NEMP2: variants seen among roughly 807,000 people sequenced by gnomAD.
The protein encoded by NEMP2 is UPF0571 transmembrane protein.
Under a neutral mutation model 54.2 loss-of-function variants are expected in NEMP2, and 53 were observed. The ratio of observed to expected loss-of-function variants is 0.98; its 90% CI spans 0.78 to 1.23. The LOEUF is 1.23. Among genes scored for constraint, NEMP2 ranks in the 50% most tolerant of loss-of-function variants. The pLI, the probability that NEMP2 is intolerant of heterozygous loss-of-function variation, is 0.00. For missense variants in NEMP2, 455 were observed against 511.3 expected (o/e 0.89, Z 1.06); for synonymous variants, 197 against 190.3 (o/e 1.04, Z -0.29).
At chr2:190,534,193 G>T (rs1025750080) in intron 1 of NEMP2, 188 of 1,049,752 alleles carry the variant, frequency 1.8e-4, no homozygotes, top group Non-Finnish European at 2.1e-4. Flanking sequence ...ACAAAAGGCC[G>T]TGTGCTGAAA....
chr2:190,622,018 A>G, the NEMP2 span, among the ~76,000 whole-genome samples: 1 of 152,138 alleles, frequency 6.6e-6, no homozygotes, highest in South Asian at 2.1e-4. Flanking sequence ...GAGGCAGGAG[A>G]ATCACTTGAG....
chr2:190,640,845 G>C, the NEMP2 span: 1 of 123,158 alleles, frequency 8.1e-6, no homozygotes, highest in African/African-American at 3.2e-5. Flanking sequence ...CTAGATGGGT[G>C]ATATGGCAAC....
chr2:190,578,820 G>A, the NEMP2 span, among the ~76,000 whole-genome samples: 10 of 152,156 alleles, frequency 6.6e-5, no homozygotes, highest in South Asian at 2.1e-3. This position sits in a 1 kb window ranked among gnomAD's most constrained non-coding sequence, Gnocchi z 4.4. Flanking sequence ...TGGAGTGCCA[G>A]GAACACCCAT....
the NEMP2 span, among the ~76,000 whole-genome samples, chr2:190,482,514 G>A: frequency 6.6e-6 from 1 of 150,900 alleles, no homozygotes; most frequent in Admixed American, 6.6e-5. Flanking sequence ...GTTATGTTTT[G>A]TTCAGTAAGC....
the NEMP2 span, among the ~76,000 whole-genome samples, chr2:190,465,279 G>T: frequency 2.6e-5 from 4 of 152,260 alleles, no homozygotes; most frequent in South Asian, 8.3e-4. This position sits in a 1 kb window ranked among gnomAD's most constrained non-coding sequence, Gnocchi z 4.6. Context: ...GATAACTTCA[G>T]TTTACCAACC....
chr2:190,606,340 C>A, the NEMP2 span, among the ~76,000 whole-genome samples: 1 of 152,196 alleles, frequency 6.6e-6, no homozygotes, highest in Non-Finnish European at 1.5e-5. Context: ...GTGATCCTGG[C>A]CAAGTTCACT....
At chr2:190,542,215 T>A in the NEMP2 span, among the ~76,000 whole-genome samples, 1 of 152,222 alleles carries the variant, frequency 6.6e-6, no homozygotes, top group Admixed American at 6.5e-5. The surrounding 1 kb of genome is among the most constrained non-coding windows in gnomAD (Gnocchi z 4.6). Flanking sequence ...ATTCTTAGAT[T>A]TGTTTTGTGT....
chr2:190,437,168 C>G, the NEMP2 span: 1 of 1,614,226 alleles, frequency 6.2e-7, no homozygotes. This position sits in a 1 kb window ranked among gnomAD's most constrained non-coding sequence, Gnocchi z 5.9. Flanking sequence ...GTTCTCATGA[C>G]CATGGCCTTG....
Position 190,505,453 on chromosome 2 carries a change from T to C in NEMP2, c.*3736A>G. The C allele has an allele frequency of 6.6e-6, 1 of 152,220 alleles. No homozygotes were observed. Among genetic ancestry groups the C allele is most frequent in the Admixed American group, 6.5e-5 (1 of 15,288 alleles). The allele number at this position is 152,220 out of a possible 1,614,324, so 9.4% of individuals were successfully genotyped here. A position where few individuals can be genotyped will look rare whatever the true frequency, so the allele number is the denominator to read the frequency against. ...CTAGTCAATGTTGGTATTCTTTCCC[T>C]TTCTCTTTTCAATCAGTCTTTCTTT... On this transcript the variant is annotated 3_prime_UTR_variant, in exon 9 of 9. Coordinates refer to ENST00000409150, the MANE Select transcript of NEMP2 (RefSeq NM_001142645.2). This position sits in a 1 kb window ranked among gnomAD's most constrained non-coding sequence, Gnocchi z 5.8.
Position 190,533,770 on chromosome 2 carries a change from AG to A in NEMP2, c.97+788del, listed in dbSNP as rs890521923. On this transcript the variant is annotated intron_variant, in intron 1 of 8. Coordinates refer to ENST00000409150, the MANE Select transcript of NEMP2 (RefSeq NM_001142645.2). This position sits in a 1 kb window ranked among gnomAD's most constrained non-coding sequence, Gnocchi z 4.3. ...AGGAAATCTTTTAAAAGATTTTATG[AG>A]GGGAAAAAAAAAAAGAAACAGAAAT... is the stretch of plus-strand genomic sequence containing the variant. 9.8e-5 allele frequency among the ~76,000 whole-genome samples: 13 copies of A among 132,766 alleles called. No individual in the cohort carries two copies. Among genetic ancestry groups the A allele is most frequent in the African/African-American group, 3.4e-4 (12 of 35,122 alleles). The allele number at this position is 132,766 out of a possible 152,430, so 87.1% of individuals were successfully genotyped here.
the NEMP2 span, among the ~76,000 whole-genome samples, chr2:190,639,770 T>C: frequency 6.6e-6 from 1 of 152,120 alleles, no homozygotes; most frequent in Admixed American, 6.5e-5. Flanking sequence ...TGCTTCAGCC[T>C]CCTGAGGAGC....
rs944597634 is a variant in NEMP2 at position 190,513,321 on chromosome 2, C to T, written c.953+1132G>A. Among the ~76,000 whole-genome samples, 2 of 152,234 alleles carry T rather than the reference C, an allele frequency of 1.3e-5. No homozygotes were observed. The highest frequency in any genetic ancestry group is 4.8e-5 in the African/African-American group (2 of 41,458). On this transcript the variant is annotated intron_variant, in intron 7 of 8. Coordinates refer to ENST00000409150, the MANE Select transcript of NEMP2 (RefSeq NM_001142645.2). The surrounding 1 kb of genome is among the most constrained non-coding windows in gnomAD (Gnocchi z 5.3). ...TAGAAAACCAGCAGATCTGGCAATA[C>T]AGGACTCATATTCCCACACATGAGC...
chr2:190,541,167 T>TA, the NEMP2 span, among the ~76,000 whole-genome samples: 6 of 124,306 alleles, frequency 4.8e-5, no homozygotes, highest in African/African-American at 1.4e-4. The surrounding 1 kb of genome is among the most constrained non-coding windows in gnomAD (Gnocchi z 5.2). Context: ...ACAATTTCAT[T>TA]TTATATATAT....
At chr2:190,466,343 T>G in the NEMP2 span, among the ~76,000 whole-genome samples, 1 of 152,232 alleles carries the variant, frequency 6.6e-6, no homozygotes, top group African/African-American at 2.4e-5. Context: ...ACTGAAGTAC[T>G]TTTCAGTGAC....
chr2:190,492,878 T>G, the NEMP2 span, among the ~76,000 whole-genome samples: 166 of 151,666 alleles, frequency 1.1e-3, 2 homozygotes, highest in Non-Finnish European at 2.4e-4. This position sits in a 1 kb window ranked among gnomAD's most constrained non-coding sequence, Gnocchi z 5.2. Flanking sequence ...TGAAAGGAGC[T>G]CTAAATCTTG....
the NEMP2 span, among the ~76,000 whole-genome samples, chr2:190,491,766 A>G: frequency 1.3e-5 from 2 of 152,200 alleles, no homozygotes; most frequent in Non-Finnish European, 2.9e-5. This position sits in a 1 kb window ranked among gnomAD's most constrained non-coding sequence, Gnocchi z 4.2. Context: ...ACCTGCCCCA[A>G]CAAAATCACA....
Position 190,525,963 on chromosome 2 carries a change from A to C in NEMP2, c.98-585T>G, listed in dbSNP as rs1690918665. 6.6e-6 allele frequency among the ~76,000 whole-genome samples: 1 copy of C among 152,200 alleles called. No homozygotes were observed. Among genetic ancestry groups the C allele is most frequent in the Non-Finnish European group, 1.5e-5 (1 of 68,028 alleles). On this transcript the variant is annotated intron_variant, in intron 1 of 8. Transcript: ENST00000409150. The surrounding 1 kb of genome is among the most constrained non-coding windows in gnomAD (Gnocchi z 5.0). Reference sequence around the variant, plus strand: ...TGAAAGCAGAGCATTGGAGGATTTTAGGTAAGTATCAGTCTCAGCAAGAAA... The same window carrying C: ...TGAAAGCAGAGCATTGGAGGATTTTCGGTAAGTATCAGTCTCAGCAAGAAA...
chr2:190,510,554 G>C lies in NEMP2; in HGVS notation c.954-17C>G. 1 of 1,551,474 alleles carries C rather than the reference G, an allele frequency of 6.4e-7. No individual in the cohort carries two copies. The highest frequency in any genetic ancestry group is 8.7e-7 in the Non-Finnish European group (1 of 1,146,786). On this transcript the variant is annotated splice_polypyrimidine_tract_variant and intron_variant, in intron 7 of 8. Transcript: ENST00000409150. This position sits in a 1 kb window ranked among gnomAD's most constrained non-coding sequence, Gnocchi z 5.7. ...TCCATTTTCCTAAAACATGGCATGT[G>C]GTTGCAGGATTACTTCCTAATTCAA...
chr2:190,568,520 T>C, the NEMP2 span, among the ~76,000 whole-genome samples: 8 of 152,284 alleles, frequency 5.3e-5, no homozygotes, highest in African/African-American at 1.9e-4. The surrounding 1 kb of genome is among the most constrained non-coding windows in gnomAD (Gnocchi z 4.7). Flanking sequence ...ATTTTAATTA[T>C]GTAAAAACTG....
Sources: allele counts gnomAD v4.1 joint callset (sites outside exome capture counted in the v4.1 genomes callset), GRCh38; gene constraint gnomAD v4.1.1; non-coding constraint Gnocchi (gnomAD v3.1); transcripts MANE v1.5; gene names NCBI Gene and HGNC (gene_info 2026-07-23, HGNC 2026-07-21).